The following DCHS2 variants were observed in gnomAD, a reference collection of about 807,000 sequenced individuals.
The protein encoded by DCHS2 is protocadherin-23.
A neutral mutation model predicts 182.4 loss-of-function variants in DCHS2; 142 were observed. That is an observed-to-expected ratio of 0.78 (90% CI 0.68 to 0.89). DCHS2 has a LOEUF of 0.89. Among genes scored for constraint, DCHS2 ranks in the 40% least tolerant of loss-of-function variants. DCHS2 has a pLI of 0.00. For missense variants in DCHS2, 4,319 were observed against 4,198.6 expected, an observed-to-expected ratio of 1.03 and a Z score of -0.79; for synonymous variants, 1,740 against 1,663.3, an observed-to-expected ratio of 1.05 and a Z score of -1.12.
chr4:154,362,502 G>A (rs1233715855), intron 3 of DCHS2, among the ~76,000 whole-genome samples: 1 of 152,196 alleles, frequency 6.6e-6, no homozygotes, highest in Admixed American at 6.5e-5. Flanking sequence ...GGCAGCCTCT[G>A]TAGAGATCGG....
chr4:154,304,025 G>A (rs1010888292), intron 12 of DCHS2, among the ~76,000 whole-genome samples: 1 of 151,088 alleles, frequency 6.6e-6, no homozygotes, highest in Non-Finnish European at 1.5e-5. Context: ...TTATTCGCAG[G>A]TACCATTTTT....
At chr4:154,476,806 C>T (rs538818544) in intron 1 of DCHS2, among the ~76,000 whole-genome samples, 1 of 152,146 alleles carries the variant, frequency 6.6e-6, no homozygotes, top group East Asian at 1.9e-4. Flanking sequence ...CAGGTTCTAT[C>T]TGATATATGA....
In DCHS2 at chr4:154,490,880, T is replaced by C; in HGVS notation, c.476A>G (p.Asp159Gly). The C allele has an allele frequency of 6.4e-7, 1 of 1,551,372 alleles. No homozygotes were observed. The highest frequency in any genetic ancestry group is 1.2e-5 in the South Asian group (1 of 84,052). Residue 159 changes from aspartate to glycine, a missense_variant, in exon 1 of 20, where the codon GAC becomes GGC. Transcript: ENST00000357232. Reference sequence around the variant, plus strand: ...AAAGCGGGGCGAGTGGTCATTCACGTCGTTGACGCGAATCTCCACCTGCAC... The same window carrying C: ...AAAGCGGGGCGAGTGGTCATTCACGCCGTTGACGCGAATCTCCACCTGCAC... The part of the protein sequence containing the change: ...AVVQVEIRVN[D>G]VNDHSPRFPL...
At chr4:154,393,653 A>G (rs1478461845) in intron 1 of DCHS2, among the ~76,000 whole-genome samples, 1 of 151,532 alleles carries the variant, frequency 6.6e-6, no homozygotes, top group African/African-American at 2.4e-5. Context: ...TGCTAGTCTA[A>G]TCTCTACAGT....
chr4:154,449,742 A>G (rs1033606181), intron 1 of DCHS2, among the ~76,000 whole-genome samples: 7 of 152,216 alleles, frequency 4.6e-5, no homozygotes, highest in African/African-American at 1.2e-4. Flanking sequence ...AAGGAGTTTT[A>G]TATTGTTAAA....
intron 1 of DCHS2, among the ~76,000 whole-genome samples, chr4:154,467,657 A>G (rs376854353): frequency 1.8e-4 from 28 of 152,298 alleles, no homozygotes; most frequent in African/African-American, 6.7e-4. Flanking sequence ...ATGTTTCTGG[A>G]AAAAATGGAA....
intron 12 of DCHS2, among the ~76,000 whole-genome samples, chr4:154,303,828 T>G (rs79693146): frequency 0.023 from 3,551 of 152,292 alleles, 120 homozygotes; most frequent in South Asian, 0.16. Context: ...ATGATTCTTA[T>G]CCACAGAAAT....
intron 3 of DCHS2, among the ~76,000 whole-genome samples, chr4:154,360,890 C>T (rs1361849584): frequency 1.3e-5 from 2 of 152,102 alleles, no homozygotes; most frequent in African/African-American, 4.8e-5. Flanking sequence ...AAACATAGAA[C>T]AGACAAAGGC....
chr4:154,470,822 C>T (rs1735433824), intron 1 of DCHS2, among the ~76,000 whole-genome samples: 1 of 152,160 alleles, frequency 6.6e-6, no homozygotes. Context: ...AAAGATTTTA[C>T]CACCTACCAC....
chr4:154,247,635 CAAAAAAAAA>C (rs67157369), intron 16 of DCHS2, among the ~76,000 whole-genome samples: 19 of 100,110 alleles, frequency 1.9e-4, no homozygotes, highest in African/African-American at 6.9e-4. Flanking sequence ...GACTCCGTCT[CAAAAAAAAA>C]AAAAAAAAAA....
At chr4:154,486,569 A>ACAAGG (rs1253421644) in intron 1 of DCHS2, 13 of 1,296,562 alleles carry the variant, frequency 1.0e-5, no homozygotes, top group Non-Finnish European at 1.3e-5. Flanking sequence ...AGGTACAGTT[A>ACAAGG]CAAGGAATGT....
rs149848208 is a variant in DCHS2, at chr4:154,236,681, A to G, written c.7971T>C (p.Asp2657=). 3 of 1,614,054 alleles carry G rather than the reference A, an allele frequency of 1.9e-6. No individual in the cohort carries two copies. The highest frequency in any genetic ancestry group is 1.3e-5 in the African/African-American group (1 of 75,048). ...TGAAGTTTGGGGGATTGTCATTGAC[A>G]TCAAGTACTTGTATTGATATGACAG... ...STAVISIQVL[D]VNDNPPNFSS... is the part of the protein sequence containing the mutation. Residue 2657 remains aspartate, a synonymous_variant, in exon 20 of 20, where the codon GAT becomes GAC. Transcript: ENST00000357232.
intron 12 of DCHS2, among the ~76,000 whole-genome samples, chr4:154,302,950 C>A (rs1229804528): frequency 1.4e-4 from 9 of 65,022 alleles, no homozygotes; most frequent in African/African-American, 7.9e-4. Context: ...CACACACACA[C>A]ACACACACAC....
intron 3 of DCHS2, among the ~76,000 whole-genome samples, chr4:154,346,848 T>C (rs1030897969): frequency 9.9e-5 from 15 of 151,902 alleles, no homozygotes; most frequent in Non-Finnish European, 1.8e-4. Flanking sequence ...TGATGTGGAG[T>C]GTTTACCATA....
At chr4:154,309,872 T>C (rs1343019261) in intron 10 of DCHS2, among the ~76,000 whole-genome samples, 1 of 152,166 alleles carries the variant, frequency 6.6e-6, no homozygotes, top group African/African-American at 2.4e-5. Context: ...GACCACATAA[T>C]AGTAAAAAGG....
intron 1 of DCHS2, among the ~76,000 whole-genome samples, chr4:154,393,132 A>T (rs1731780254): frequency 6.6e-6 from 1 of 152,214 alleles, no homozygotes; most frequent in South Asian, 2.1e-4. Flanking sequence ...ATCCAACAGA[A>T]ATGGATGTTA....
chr4:154,323,454 CA>C, intron 7 of DCHS2: 2 of 1,369,810 alleles, frequency 1.5e-6, no homozygotes, highest in Non-Finnish European at 1.9e-6. Context: ...CTTGGCCTCC[CA>C]GATAGCTGGG....
intron 16 of DCHS2, among the ~76,000 whole-genome samples, chr4:154,250,767 TTCTC>T (rs918815098): frequency 6.6e-6 from 1 of 152,198 alleles, no homozygotes; most frequent in South Asian, 2.1e-4. Context: ...CCTAAGCTAG[TTCTC>T]TCTCTTGCAG....
intron 1 of DCHS2, among the ~76,000 whole-genome samples, chr4:154,414,482 GC>G (rs1732751707): frequency 7.8e-6 from 1 of 127,510 alleles, no homozygotes; most frequent in Non-Finnish European, 1.6e-5. Flanking sequence ...TCTCCATACA[GC>G]TTTCTTTTTT....
Sources: gnomAD v4.1 joint callset for allele counts (sites outside exome capture counted in the v4.1 genomes callset) on GRCh38, gnomAD v4.1.1 for gene constraint, MANE v1.5 for transcripts, NCBI Gene and HGNC (gene_info 2026-07-23, HGNC 2026-07-21) for gene names.